LDB2: variants seen among roughly 807,000 people sequenced by gnomAD.
The protein encoded by LDB2 is LIM domain binding 2.
In LDB2, 12 loss-of-function variants were observed where a neutral mutation model predicts 44.3. That is an observed-to-expected ratio of 0.27 (90% CI 0.17 to 0.44). The LOEUF is 0.44. Among genes scored for constraint, LDB2 ranks in the 20% least tolerant of loss-of-function variants. The pLI is 1.00. For missense variants in LDB2, 344 were observed against 473.5 expected (o/e 0.73, Z 2.54); for synonymous variants, 164 against 174.8 (o/e 0.94, Z 0.49).
intron 5 of LDB2, among the ~76,000 whole-genome samples, chr4:16,572,892 AG>A (rs1427472489): frequency 6.6e-6 from 1 of 152,038 alleles, no homozygotes; most frequent in Non-Finnish European, 1.5e-5. Flanking sequence ...GAGGAGGCGG[AG>A]GGGAAAAGAA....
At chr4:16,525,076 G>A (rs1045350205) in intron 5 of LDB2, among the ~76,000 whole-genome samples, 1 of 152,194 alleles carries the variant, frequency 6.6e-6, no homozygotes, top group African/African-American at 2.4e-5. Flanking sequence ...TGACTATCTT[G>A]TTCATGCAGT....
chr4:16,628,060 C>A (rs1273858096), intron 2 of LDB2, among the ~76,000 whole-genome samples: 1 of 152,146 alleles, frequency 6.6e-6, no homozygotes, highest in African/African-American at 2.4e-5. Flanking sequence ...CATCAGTGAG[C>A]CAGGATGTCC....
chr4:16,505,774 G>A (rs570456955), intron 7 of LDB2: 67 of 1,454,764 alleles, frequency 4.6e-5, no homozygotes, highest in Non-Finnish European at 5.8e-5. Context: ...CTGGAAGCCC[G>A]GAGGTGCCAC....
intron 1 of LDB2, among the ~76,000 whole-genome samples, chr4:16,764,525 CAAAA>C (rs112962985): frequency 7.3e-5 from 8 of 109,904 alleles, no homozygotes; most frequent in African/African-American, 2.2e-4. Context: ...ACAATCACTA[CAAAA>C]AAAAAAAAAA....
At position 16,645,462 on chromosome 4, in the gene LDB2, G is replaced by A. The variant is rs563160211; in HGVS notation, c.236-49587C>T. The stretch of plus-strand genomic sequence containing the variant: ...TGAGGCAGGAGAATGGCGTGAACCC[G>A]GGAAGCGGAGCCTGCAGTGAGCCGA... On this transcript the variant is annotated intron_variant, in intron 2 of 7. Transcript: ENST00000304523. Among the ~76,000 whole-genome samples, 142 of 150,808 alleles carry A rather than the reference G, an allele frequency of 9.4e-4. 1 individual carries two copies. Among genetic ancestry groups the A allele is most frequent in the African/African-American group, 3.2e-3 (132 of 41,028 alleles).
chr4:16,635,946 T>A (rs983367493), intron 2 of LDB2, among the ~76,000 whole-genome samples: 1 of 152,218 alleles, frequency 6.6e-6, no homozygotes. Context: ...GGTCTTCATT[T>A]TTAATGTCCT....
At position 16,501,740 on chromosome 4, in the gene LDB2, A is replaced by C. The variant is rs1235766981; in HGVS notation, c.*903T>G. On this transcript the variant is annotated 3_prime_UTR_variant, in exon 8 of 8. Coordinates refer to ENST00000304523, the MANE Select transcript of LDB2 (RefSeq NM_001290.5). ...CCCAAAAACGAAAAGTCCCCATAAAAGAACCAGGTGAGAGCTTTACAAAAT... is the reference window on the plus strand; with the variant it reads ...CCCAAAAACGAAAAGTCCCCATAAACGAACCAGGTGAGAGCTTTACAAAAT... 6.6e-6 allele frequency: 1 copy of C among 152,654 alleles called. No homozygotes were observed. Among genetic ancestry groups the C allele is most frequent in the Non-Finnish European group, 1.5e-5 (1 of 68,038 alleles). The allele number at this position is 152,654 out of a possible 1,614,324, so 9.5% of individuals were successfully genotyped here.
At chr4:16,653,177 G>A (rs1380603834) in intron 2 of LDB2, among the ~76,000 whole-genome samples, 1 of 152,168 alleles carries the variant, frequency 6.6e-6, no homozygotes, top group East Asian at 1.9e-4. Flanking sequence ...CAGCTGCCCT[G>A]ACTGGAGAGA....
intron 5 of LDB2, among the ~76,000 whole-genome samples, chr4:16,555,026 C>G (rs945721226): frequency 2.0e-5 from 3 of 151,536 alleles, no homozygotes; most frequent in Non-Finnish European, 4.4e-5. Context: ...GCAGCCAGTG[C>G]TATATGAGAA....
At chr4:16,815,921 C>T (rs1437984709) in intron 1 of LDB2, among the ~76,000 whole-genome samples, 2 of 152,132 alleles carry the variant, frequency 1.3e-5, no homozygotes, top group Admixed American at 1.3e-4. Context: ...AATCATATTA[C>T]TTCAGGCCAG....
At chr4:16,798,395 G>A (rs147440909) in intron 1 of LDB2, among the ~76,000 whole-genome samples, 3 of 152,290 alleles carry the variant, frequency 2.0e-5, no homozygotes, top group African/African-American at 7.2e-5. Flanking sequence ...CATGACTTAG[G>A]ATCTTGGAAA....
At chr4:16,857,807 AC>A (rs1479756475) in intron 1 of LDB2, among the ~76,000 whole-genome samples, 1 of 151,996 alleles carries the variant, frequency 6.6e-6, no homozygotes, top group Non-Finnish European at 1.5e-5. Flanking sequence ...AAACCTCCCG[AC>A]CCAACTTCTT....
chr4:16,772,243 T>C (rs2109354065), intron 1 of LDB2, among the ~76,000 whole-genome samples: 2 of 152,350 alleles, frequency 1.3e-5, no homozygotes, highest in African/African-American at 4.8e-5. Flanking sequence ...ATATTTTTCC[T>C]TGATCATTCA....
intron 2 of LDB2, among the ~76,000 whole-genome samples, chr4:16,737,146 T>G (rs1315001678): frequency 1.3e-5 from 2 of 152,212 alleles, no homozygotes; most frequent in African/African-American, 4.8e-5. Flanking sequence ...GATACCAATT[T>G]TAAGAATCAA....
At chr4:16,514,284 A>G (rs1176334043) in intron 5 of LDB2, among the ~76,000 whole-genome samples, 5 of 152,316 alleles carry the variant, frequency 3.3e-5, no homozygotes, top group African/African-American at 7.2e-5. Flanking sequence ...GTCTTTTGTT[A>G]TAGGAGTGAC....
chr4:16,572,158 C>T (rs1746774026), intron 5 of LDB2, among the ~76,000 whole-genome samples: 1 of 152,168 alleles, frequency 6.6e-6, no homozygotes, highest in Non-Finnish European at 1.5e-5. Flanking sequence ...CTGCCTATGC[C>T]TTAAATCAAA....
At chr4:16,876,029 G>A (rs1000396928) in intron 1 of LDB2, among the ~76,000 whole-genome samples, 6 of 152,158 alleles carry the variant, frequency 3.9e-5, no homozygotes, top group Admixed American at 6.5e-5. Context: ...GTGATGGGCT[G>A]GGGCCATGTC....
At chr4:16,776,830 T>C (rs544529683) in intron 1 of LDB2, among the ~76,000 whole-genome samples, 1 of 152,342 alleles carries the variant, frequency 6.6e-6, no homozygotes, top group African/African-American at 2.4e-5. Flanking sequence ...CAGAAGGCCC[T>C]GCAGGGAACG....
chr4:16,599,090 G>A (rs1323368865), intron 2 of LDB2, among the ~76,000 whole-genome samples: 8 of 152,028 alleles, frequency 5.3e-5, no homozygotes, highest in Non-Finnish European at 8.8e-5. Context: ...GATTAAAAAG[G>A]TGTCAGAGAT....
Sources: allele counts gnomAD v4.1 joint callset (sites outside exome capture counted in the v4.1 genomes callset), GRCh38; gene constraint gnomAD v4.1.1; transcripts MANE v1.5; gene names NCBI Gene and HGNC (gene_info 2026-07-23, HGNC 2026-07-21).